FGF14: variants seen among roughly 807,000 people sequenced by gnomAD.
FGF14 encodes the protein fibroblast growth factor homologous factor 4.
Under a neutral mutation model 25.5 loss-of-function variants are expected in FGF14, and 5 were observed. That is an observed-to-expected ratio of 0.20 (90% CI 0.10 to 0.41). The LOEUF (loss-of-function observed/expected upper bound fraction) is 0.41. Among genes scored for constraint, FGF14 ranks in the 10% least tolerant of loss-of-function variants. The probability of loss-of-function intolerance (pLI) is 1.00; values close to 1 mark genes in which losing one functional copy is unlikely to be tolerated. For missense variants in FGF14, 222 were observed against 320.1 expected, an observed-to-expected ratio of 0.69 and a Z score of 2.34; for synonymous variants, 138 against 118.3, an observed-to-expected ratio of 1.17 and a Z score of -1.08.
chr13:102,035,386 G>T (rs1442547880), intron 1 of FGF14, among the ~76,000 whole-genome samples: 1 of 151,956 alleles, frequency 6.6e-6, no homozygotes, highest in African/African-American at 2.4e-5. Flanking sequence ...TTCTAGGAAG[G>T]GCCTCTCAAC....
chr13:101,836,513 G>C (rs1221964201), intron 3 of FGF14, among the ~76,000 whole-genome samples: 1 of 152,058 alleles, frequency 6.6e-6, no homozygotes, highest in Non-Finnish European at 1.5e-5. Context: ...TAATTAGTTT[G>C]TAGAGCCAAC....
chr13:101,722,592 C>T lies in FGF14; in HGVS notation c.*239G>A. On this transcript the variant is annotated 3_prime_UTR_variant, in exon 5 of 5. Coordinates refer to ENST00000376143, the MANE Select transcript of FGF14 (RefSeq NM_004115.4). ...ACAGAAAAGATATTAAAAAGGCATT[C>T]CATATCTGGTAGGGCATTCCATGGT... is the stretch of plus-strand genomic sequence containing the variant. The T allele has an allele frequency of 1.8e-6, 1 of 560,598 alleles. No homozygotes were observed. The allele number at this position is 560,598 out of a possible 1,614,324, so 34.7% of individuals were successfully genotyped here. A position where few individuals can be genotyped will look rare whatever the true frequency, so the allele number is the denominator to read the frequency against.
chr13:102,028,072 C>A (rs752706593), intron 1 of FGF14, among the ~76,000 whole-genome samples: 11 of 152,018 alleles, frequency 7.2e-5, no homozygotes, highest in Non-Finnish European at 1.5e-4. Context: ...TGGTACAACA[C>A]AACTCTGCCA....
intron 3 of FGF14, among the ~76,000 whole-genome samples, chr13:101,856,599 C>T (rs1019899564): frequency 5.3e-5 from 8 of 151,898 alleles, no homozygotes; most frequent in Admixed American, 2.6e-4. Context: ...TTAACACAAC[C>T]GTAAGAATAT....
chr13:102,374,303 C>G (rs1005221670), intron 1 of FGF14, among the ~76,000 whole-genome samples: 2 of 151,926 alleles, frequency 1.3e-5, no homozygotes, highest in African/African-American at 4.8e-5. Context: ...TAAAAATATA[C>G]TGAGCATCTA....
intron 1 of FGF14, among the ~76,000 whole-genome samples, chr13:102,287,249 C>G (rs1285172467): frequency 6.6e-6 from 1 of 152,206 alleles, no homozygotes; most frequent in Non-Finnish European, 1.5e-5. Context: ...TTTGACCGTT[C>G]TGTAAATGTG....
chr13:102,090,086 T>C (rs2044098127), intron 1 of FGF14, among the ~76,000 whole-genome samples: 2 of 152,186 alleles, frequency 1.3e-5, no homozygotes, highest in Admixed American at 6.5e-5. Flanking sequence ...TTAGAAAAAC[T>C]ACCTAGATAA....
rs1292554117 is a variant in FGF14, at chr13:101,719,389, C to T, written c.*3442G>A. On this transcript the variant is annotated 3_prime_UTR_variant, in exon 5 of 5. Coordinates refer to ENST00000376143, the MANE Select transcript of FGF14 (RefSeq NM_004115.4). ...TGGACCCATCGTGGATCTCTTTAAG[C>T]CACTGCTACCCAAAAACATTCAGGA... 3.3e-5 allele frequency: 5 copies of T among 152,028 alleles called. No individual in the cohort carries two copies. In the East Asian group the frequency reaches 9.7e-4, roughly 30 times the overall value. 9.4% of individuals were successfully genotyped at this position (152,028 alleles called of 1,614,324 possible).
chr13:102,123,396 C>T (rs184622437), intron 1 of FGF14, among the ~76,000 whole-genome samples: 142 of 152,266 alleles, frequency 9.3e-4, no homozygotes, highest in Middle Eastern at 3.4e-3. Flanking sequence ...TAGATAAAAG[C>T]ATTCAAGCAA....
chr13:102,214,402 A>C (rs961582350), intron 1 of FGF14, among the ~76,000 whole-genome samples: 1 of 152,246 alleles, frequency 6.6e-6, no homozygotes, highest in Non-Finnish European at 1.5e-5. Flanking sequence ...AGCTTAAAAA[A>C]ATATATACAA....
At chr13:101,748,780 A>G (rs1022156642) in intron 3 of FGF14, among the ~76,000 whole-genome samples, 1 of 144,914 alleles carries the variant, frequency 6.9e-6, no homozygotes, top group Non-Finnish European at 1.5e-5. Flanking sequence ...AAAAAATAGA[A>G]TTACTATATA....
intron 1 of FGF14, among the ~76,000 whole-genome samples, chr13:102,056,711 G>T (rs1295057751): frequency 6.6e-6 from 1 of 150,970 alleles, no homozygotes; most frequent in Non-Finnish European, 1.5e-5. Flanking sequence ...TGAGAATCAG[G>T]ATCCTACAGT....
intron 1 of FGF14, among the ~76,000 whole-genome samples, chr13:102,218,694 A>G (rs556847357): frequency 1.3e-5 from 2 of 152,192 alleles, no homozygotes; most frequent in East Asian, 1.9e-4. Context: ...GCCTGCATCT[A>G]TGGCACATCC....
At chr13:101,767,123 C>A (rs1436621822) in intron 3 of FGF14, among the ~76,000 whole-genome samples, 2 of 152,150 alleles carry the variant, frequency 1.3e-5, no homozygotes, top group African/African-American at 4.8e-5. Flanking sequence ...TATCGTAGGC[C>A]TTTACATATC....
chr13:102,206,201 T>A (rs1414894609), intron 1 of FGF14, among the ~76,000 whole-genome samples: 3 of 151,308 alleles, frequency 2.0e-5, no homozygotes, highest in Non-Finnish European at 2.9e-5. Flanking sequence ...GCAAGTTGGG[T>A]GTACGGTAAA....
At chr13:102,318,619 C>T (rs1453846723) in intron 1 of FGF14, among the ~76,000 whole-genome samples, 2 of 152,148 alleles carry the variant, frequency 1.3e-5, no homozygotes, top group Non-Finnish European at 2.9e-5. Flanking sequence ...TTCTCCGAGT[C>T]CCTATCTGTG....
intron 1 of FGF14, among the ~76,000 whole-genome samples, chr13:102,248,267 C>T (rs1002955196): frequency 6.6e-6 from 1 of 152,008 alleles, no homozygotes; most frequent in Non-Finnish European, 1.5e-5. Flanking sequence ...AAAGTATATA[C>T]TTTGCTTGTA....
intron 3 of FGF14, among the ~76,000 whole-genome samples, chr13:101,836,667 ATTG>A (rs1178396774): frequency 6.6e-6 from 1 of 152,060 alleles, no homozygotes; most frequent in East Asian, 1.9e-4. Flanking sequence ...GTTCCTAGTT[ATTG>A]TTAAGGATTT....
At chr13:102,384,301 G>C (rs937086788) in intron 1 of FGF14, among the ~76,000 whole-genome samples, 2 of 152,132 alleles carry the variant, frequency 1.3e-5, no homozygotes, top group African/African-American at 4.8e-5. Flanking sequence ...AGAACTACTA[G>C]AGGTATATTT....
Sources: gnomAD v4.1 joint callset for allele counts (sites outside exome capture counted in the v4.1 genomes callset) on GRCh38, gnomAD v4.1.1 for gene constraint, MANE v1.5 for transcripts, NCBI Gene and HGNC (gene_info 2026-07-23, HGNC 2026-07-21) for gene names.